The following OSBPL10 variants were observed in gnomAD, a reference collection of about 807,000 sequenced individuals.
OSBPL10 encodes oxysterol binding protein like 10, also known as oxysterol-binding protein-related protein 10.
A neutral mutation model predicts 81.7 loss-of-function variants in OSBPL10; 49 were observed. That is an observed-to-expected ratio of 0.60 (90% confidence interval 0.48 to 0.76). The LOEUF (loss-of-function observed/expected upper bound fraction) is 0.76, where lower values mean the gene tolerates loss of function less well. Ranked by LOEUF, OSBPL10 falls within the 30% of genes least tolerant of loss-of-function variation. The probability of loss-of-function intolerance (pLI) is 0.00; values close to 1 mark genes in which losing one functional copy is unlikely to be tolerated. For synonymous variants in OSBPL10, 419 were observed against 383.6 expected (o/e 1.09, Z -1.08); for missense variants, 923 against 987.8 (o/e 0.93, Z 0.88).
intron 5 of OSBPL10, among the ~76,000 whole-genome samples, chr3:31,743,544 C>T (rs979683848): frequency 6.6e-6 from 1 of 151,938 alleles, no homozygotes; most frequent in Non-Finnish European, 1.5e-5. Flanking sequence ...GCGTAATGAG[C>T]AACATTTGGA....
chr3:31,674,353 A>C (rs1385023173), intron 8 of OSBPL10, among the ~76,000 whole-genome samples: 2 of 152,082 alleles, frequency 1.3e-5, no homozygotes, highest in Admixed American at 1.3e-4. Context: ...CAGGAGTTTG[A>C]GACCAGCCTG....
chr3:31,956,779 G>A (rs1698022393), intron 1 of OSBPL10, among the ~76,000 whole-genome samples: 1 of 151,878 alleles, frequency 6.6e-6, no homozygotes, highest in South Asian at 2.1e-4. Flanking sequence ...CCCTAGAGTA[G>A]GATTTGGGAT....
At chr3:32,045,315 A>T (rs1559554435) in intron 2 of OSBPL10, among the ~76,000 whole-genome samples, 3 of 152,190 alleles carry the variant, frequency 2.0e-5, no homozygotes, top group South Asian at 4.1e-4. Context: ...AGCCACTAGG[A>T]GCTAGATTAC....
At chr3:32,041,867 C>T (rs756633845) in intron 2 of OSBPL10, among the ~76,000 whole-genome samples, 1 of 152,092 alleles carries the variant, frequency 6.6e-6, no homozygotes, top group African/African-American at 2.4e-5. Context: ...ACCATGTTGG[C>T]CAGGCTGGTC....
intron 4 of OSBPL10, among the ~76,000 whole-genome samples, chr3:31,780,250 G>A (rs1018071493): frequency 2.0e-5 from 3 of 152,036 alleles, no homozygotes; most frequent in African/African-American, 4.8e-5. Context: ...CCGAGATCAC[G>A]CCACTGCACT....
chr3:31,675,980 G>A (rs1169313137), intron 8 of OSBPL10, among the ~76,000 whole-genome samples: 2 of 149,526 alleles, frequency 1.3e-5, no homozygotes, highest in Non-Finnish European at 1.5e-5. Context: ...AAACTACAAC[G>A]TCTTCCAATA....
intron 4 of OSBPL10, among the ~76,000 whole-genome samples, chr3:31,752,422 T>A (rs1424551350): frequency 3.3e-5 from 5 of 152,256 alleles, no homozygotes; most frequent in Admixed American, 2.6e-4. Context: ...AGAGATACAA[T>A]CACCTGAAAA....
intron 1 of OSBPL10, among the ~76,000 whole-genome samples, chr3:32,076,531 A>G (rs2125454525): frequency 6.6e-6 from 1 of 152,292 alleles, no homozygotes; most frequent in East Asian, 1.9e-4. Context: ...GGTCAGAGAA[A>G]GGGGATCCTT....
chr3:32,020,256 C>T (rs1699349113), intron 2 of OSBPL10, among the ~76,000 whole-genome samples: 2 of 152,162 alleles, frequency 1.3e-5, no homozygotes, highest in African/African-American at 2.4e-5. Flanking sequence ...TCACCACATT[C>T]CAATTTTAGA....
At chr3:31,670,513 G>A (rs1232356334) in intron 9 of OSBPL10, among the ~76,000 whole-genome samples, 1 of 152,140 alleles carries the variant, frequency 6.6e-6, no homozygotes, top group Non-Finnish European at 1.5e-5. Flanking sequence ...AACAAACTGT[G>A]GCTTCAGAAG....
intron 4 of OSBPL10, among the ~76,000 whole-genome samples, chr3:31,761,876 A>G (rs1183898845): frequency 1.3e-5 from 2 of 151,320 alleles, no homozygotes; most frequent in Non-Finnish European, 2.9e-5. Flanking sequence ...AGGATGGAGA[A>G]GCCTTGTAAA....
At chr3:31,822,341 T>C (rs1699999044) in intron 4 of OSBPL10, 1 of 152,204 alleles carries the variant, frequency 6.6e-6, no homozygotes, top group African/African-American at 2.4e-5. Context: ...TCTCTATTTG[T>C]GCTTCACACA....
rs541729371 is a variant in OSBPL10, at chr3:31,670,649, G to A, written c.1913+148C>T. The A allele has an allele frequency of 4.4e-6, 4 of 900,742 alleles. No individual in the cohort carries two copies. The South Asian group carries it at 6.9e-5, about 16-fold the overall frequency. 55.8% of individuals were successfully genotyped at this position (900,742 alleles called of 1,614,324 possible). Reference sequence around the variant, plus strand: ...TCCAAAAAACTGCCATGTAAGGTAGGGAAAAGGCATCTCTTTTGGAAAAGA... The same window carrying A: ...TCCAAAAAACTGCCATGTAAGGTAGAGAAAAGGCATCTCTTTTGGAAAAGA... On this transcript the variant is annotated intron_variant, in intron 9 of 11. Coordinates refer to ENST00000396556, the MANE Select transcript of OSBPL10 (RefSeq NM_017784.5).
chr3:31,883,717 A>G (rs1695656899), intron 1 of OSBPL10, among the ~76,000 whole-genome samples: 5 of 151,586 alleles, frequency 3.3e-5, no homozygotes, highest in Admixed American at 2.6e-4. Context: ...TTTTCAGTAG[A>G]GACAGGGTTT....
chr3:31,799,615 A>C (rs1232983325), intron 4 of OSBPL10, among the ~76,000 whole-genome samples: 1 of 152,130 alleles, frequency 6.6e-6, no homozygotes, highest in African/African-American at 2.4e-5. Flanking sequence ...CATTATAAGC[A>C]CTCAAGAAAT....
Position 31,879,702 on chromosome 3 carries a change from T to C in OSBPL10, c.410A>G (p.His137Arg), listed in dbSNP as rs1695499015. The C allele has an allele frequency of 1.9e-6, 3 of 1,614,170 alleles. No homozygotes were observed. The East Asian group carries it at 6.7e-5, about 36-fold the overall frequency. The change falls in exon 2 of 12, where the codon CAC becomes CGC. Residue 137 changes from histidine to arginine, a missense_variant. His to Arg is a conservative substitution (Grantham distance 29). Around this residue, in one of 3 missense-constraint regions of OSBPL10, gnomAD observed 514 missense variants for 508.0 expected, o/e 1.01. Transcript: ENST00000396556. The stretch of plus-strand genomic sequence containing the variant: ...ATTAGCAGAGTACACCACCAGCATG[T>C]GGGGAGCTTCATCGCTCAGGGACAC... ...AIVSLSDEAP[H>R]MLVVYSANGE...
At chr3:31,986,802 C>T (rs1231179426) in intron 2 of OSBPL10, among the ~76,000 whole-genome samples, 2 of 151,928 alleles carry the variant, frequency 1.3e-5, no homozygotes, top group Non-Finnish European at 2.9e-5. Context: ...CCCAGGAGTT[C>T]CAGACCAGCC....
chr3:31,952,285 CT>C (rs1183227180), intron 1 of OSBPL10, among the ~76,000 whole-genome samples: 1 of 151,718 alleles, frequency 6.6e-6, no homozygotes, highest in Non-Finnish European at 1.5e-5. Context: ...ATAAATTCAT[CT>C]GTTTGTCCAG....
At chr3:31,915,536 T>C (rs944225735) in intron 1 of OSBPL10, among the ~76,000 whole-genome samples, 1 of 152,188 alleles carries the variant, frequency 6.6e-6, no homozygotes, top group Non-Finnish European at 1.5e-5. Context: ...ATATTCTCAC[T>C]TATATGTGTA....
Sources: allele counts gnomAD v4.1 joint callset (sites outside exome capture counted in the v4.1 genomes callset), GRCh38; gene constraint gnomAD v4.1.1; regional missense constraint gnomAD v4.1.1; transcripts MANE v1.5; gene names NCBI Gene and HGNC (gene_info 2026-07-23, HGNC 2026-07-21).